The following PLCL2 variants were observed in gnomAD, a reference collection of about 807,000 sequenced individuals.
PLCL2 encodes phospholipase C like 2.
PLCL2 carries 4 observed loss-of-function variants against 79.6 expected under a neutral mutation model. That is an observed-to-expected ratio of 0.05 (90% CI 0.02 to 0.11). The LOEUF (loss-of-function observed/expected upper bound fraction) is 0.11, where lower values mean the gene tolerates loss of function less well. Ranked by LOEUF, PLCL2 falls within the 10% of genes least tolerant of loss-of-function variation. The pLI, the probability that PLCL2 is intolerant of heterozygous loss-of-function variation, is 1.00. For missense variants in PLCL2, 895 were observed against 1,291.0 expected (o/e 0.69, Z 4.70); for synonymous variants, 484 against 457.7 (o/e 1.06, Z -0.73).
chr3:17,057,422 G>C (rs750645004), intron 4 of PLCL2, among the ~76,000 whole-genome samples: 1 of 152,106 alleles, frequency 6.6e-6, no homozygotes, highest in Non-Finnish European at 1.5e-5. Context: ...TGTCTCCTCT[G>C]CCCTCCGTGT....
intron 1 of PLCL2, among the ~76,000 whole-genome samples, chr3:16,987,068 G>C (rs749688112): frequency 3.3e-5 from 5 of 151,174 alleles, no homozygotes; most frequent in Non-Finnish European, 7.4e-5. Context: ...TTTTTTTCCT[G>C]TACCTTCATT....
chr3:17,053,975 G>A (rs1339553556), intron 4 of PLCL2, among the ~76,000 whole-genome samples: 1 of 151,994 alleles, frequency 6.6e-6, no homozygotes, highest in African/African-American at 2.4e-5. Context: ...TCTGAAAATG[G>A]GCTTTTCTTT....
At chr3:16,910,809 TG>T (rs1284501958) in intron 1 of PLCL2, among the ~76,000 whole-genome samples, 1 of 152,138 alleles carries the variant, frequency 6.6e-6, no homozygotes, top group Admixed American at 6.5e-5. Flanking sequence ...TTTCTTAGTT[TG>T]ATAATATCCT....
chr3:17,054,538 A>G (rs1488573178), intron 4 of PLCL2, among the ~76,000 whole-genome samples: 2 of 152,114 alleles, frequency 1.3e-5, no homozygotes, highest in Non-Finnish European at 2.9e-5. Flanking sequence ...TCATGGTGGA[A>G]GGCAAAGCAG....
chr3:17,038,385 G>A (rs2124916447), intron 3 of PLCL2, among the ~76,000 whole-genome samples: 1 of 152,246 alleles, frequency 6.6e-6, no homozygotes, highest in South Asian at 2.1e-4. Flanking sequence ...TGTTTATAGG[G>A]GCTTGATGAA....
In PLCL2 at chr3:16,965,048, G is replaced by T. The variant is rs2063792943; in HGVS notation, c.328-44626G>T. On this transcript the variant is annotated intron_variant, in intron 1 of 5. Transcript: ENST00000615277. ...AATTAGATCCCATTGGTCAATTTTG[G>T]CTTTTGTTGCCATTGCTTTTGGTGT... Among the ~76,000 whole-genome samples the T allele has an allele frequency of 6.6e-5, 10 of 151,722 alleles. No homozygotes were observed. The South Asian group carries it at 1.9e-3, about 29-fold the overall frequency.
intron 3 of PLCL2, among the ~76,000 whole-genome samples, chr3:17,018,226 C>T (rs555733482): frequency 1.3e-5 from 2 of 152,078 alleles, no homozygotes; most frequent in African/African-American, 4.8e-5. Flanking sequence ...ACACAGATGA[C>T]CCTTCTTCCT....
chr3:16,887,989 A>G lies in PLCL2; in HGVS notation c.327+2623A>G, dbSNP rs6778028. 0.66 allele frequency among the ~76,000 whole-genome samples: 99,629 copies of G among 151,790 alleles called. 33,044 individuals are homozygous for G. Among genetic ancestry groups the G allele is most frequent in the East Asian group, 0.86 (4,416 of 5,160 alleles). On this transcript the variant is annotated intron_variant, in intron 1 of 5. Coordinates refer to ENST00000615277, the MANE Select transcript of PLCL2 (RefSeq NM_001144382.2). This position sits in a 1 kb window ranked among gnomAD's most constrained non-coding sequence, Gnocchi z 4.1. ...GAGGGAATAGCAGGGAGTGAATGCT[A>G]CCTGGGGAACTGAGGCCGGTATTTA... is the stretch of plus-strand genomic sequence containing the variant.
chr3:17,011,383 A>G lies in PLCL2; in HGVS notation c.2037A>G (p.Pro679=), dbSNP rs1468176523. The G allele has an allele frequency of 3.7e-6, 6 of 1,614,184 alleles. No individual in the cohort carries two copies. The highest frequency in any genetic ancestry group is 1.7e-6 in the Non-Finnish European group (2 of 1,180,028). ...KRFLARVFPS[P]MRIDSSNMNP... ...TTCTTGCTAGGGTTTTTCCCAGTCC[A>G]ATGAGAATTGATTCCAGTAACATGA... The change falls in exon 2 of 6, where the codon CCA becomes CCG. Residue 679 remains proline, a synonymous_variant. Coordinates refer to ENST00000615277, the MANE Select transcript of PLCL2 (RefSeq NM_001144382.2). This position sits in a 1 kb window ranked among gnomAD's most constrained non-coding sequence, Gnocchi z 7.9.
intron 3 of PLCL2, among the ~76,000 whole-genome samples, chr3:17,030,982 TTAA>T (rs1278439281): frequency 0.03 from 4,320 of 145,406 alleles, 220 homozygotes; most frequent in African/African-American, 0.1. Flanking sequence ...TTAAATTTAA[TTAA>T]TTTAGTAATA....
At chr3:17,076,684 G>C (rs1363471628) in intron 5 of PLCL2, among the ~76,000 whole-genome samples, 1 of 152,012 alleles carries the variant, frequency 6.6e-6, no homozygotes, top group African/African-American at 2.4e-5. Context: ...TACGTTTTTT[G>C]TAGAGACTAG....
intron 1 of PLCL2, among the ~76,000 whole-genome samples, chr3:16,937,011 T>C (rs555925182): frequency 6.6e-6 from 1 of 152,262 alleles, no homozygotes; most frequent in South Asian, 2.1e-4. Context: ...TTTAGTAATA[T>C]CCGTGGTTTC....
At chr3:17,052,259 G>A (rs1036902384) in intron 4 of PLCL2, among the ~76,000 whole-genome samples, 11 of 149,168 alleles carry the variant, frequency 7.4e-5, no homozygotes, top group South Asian at 2.2e-4. Context: ...AAAAATTGGG[G>A]GGGGGTGAAG....
At chr3:17,053,347 T>G (rs1046458299) in intron 4 of PLCL2, among the ~76,000 whole-genome samples, 1 of 152,028 alleles carries the variant, frequency 6.6e-6, no homozygotes, top group Non-Finnish European at 1.5e-5. Context: ...CAACCAGATC[T>G]CATGAGAACT....
intron 1 of PLCL2, among the ~76,000 whole-genome samples, chr3:16,889,245 C>T (rs140602768): frequency 6.6e-6 from 1 of 152,150 alleles, no homozygotes; most frequent in African/African-American, 2.4e-5. Context: ...ACCCTGTGCC[C>T]CAGGTGCTGG....
intron 1 of PLCL2, among the ~76,000 whole-genome samples, chr3:16,988,310 T>C (rs2064070867): frequency 6.6e-6 from 1 of 152,150 alleles, no homozygotes; most frequent in South Asian, 2.1e-4. Context: ...AGTTCTGTCA[T>C]GGTGAAGGAA....
chr3:16,898,718 T>A (rs896666750), intron 1 of PLCL2, among the ~76,000 whole-genome samples: 2 of 152,216 alleles, frequency 1.3e-5, no homozygotes, highest in African/African-American at 4.8e-5. Context: ...CAGGGCTTGA[T>A]AAAGCTGTCC....
intron 5 of PLCL2, among the ~76,000 whole-genome samples, chr3:17,085,906 G>A (rs2065215287): frequency 6.6e-6 from 1 of 152,156 alleles, no homozygotes; most frequent in Non-Finnish European, 1.5e-5. Context: ...CTGGTGAAAG[G>A]TATCAAAGAA....
At chr3:16,956,665 CTT>C (rs1042465297) in intron 1 of PLCL2, among the ~76,000 whole-genome samples, 8 of 151,954 alleles carry the variant, frequency 5.3e-5, no homozygotes, top group African/African-American at 1.9e-4. Context: ...GTCCTGGACT[CTT>C]TTTGGTTGGT....
Sources: gnomAD v4.1 joint callset for allele counts (sites outside exome capture counted in the v4.1 genomes callset) on GRCh38, gnomAD v4.1.1 for gene constraint, Gnocchi (gnomAD v3.1) non-coding constraint, MANE v1.5 for transcripts, NCBI Gene and HGNC (gene_info 2026-07-23, HGNC 2026-07-21) for gene names.